The following SP140 variants were observed in gnomAD, a reference collection of about 807,000 sequenced individuals.
SP140 encodes SP140 nuclear body protein.
In SP140, 81 loss-of-function variants were observed where a neutral mutation model predicts 125.0. The observed-to-expected ratio is 0.65, with a 90% CI of 0.54 to 0.78. The LOEUF is 0.78. SP140 is among the 30% of genes least tolerant of loss of function. The pLI is 0.00. For synonymous variants in SP140, 312 were observed against 354.0 expected (o/e 0.88, Z 1.33); for missense variants, 858 against 1,037.0 (o/e 0.83, Z 2.37).
At chr2:230,297,294 T>A in intron 21 of SP140, 127 bp from the exon 22 acceptor site, 1 of 1,162,876 alleles carries the variant, frequency 8.6e-7, no homozygotes, top group Non-Finnish European at 1.2e-6. Context: ...TGGCCTTCTC[T>A]CTTCCCAATT....
chr2:230,243,781 G>A lies in SP140; in HGVS notation c.541G>A (p.Ala181Thr), dbSNP rs200234551. The A allele has an allele frequency of 2.1e-5, 34 of 1,613,118 alleles. No individual in the cohort carries two copies. The East Asian group carries it at 6.9e-4, about 33-fold the overall frequency. The change falls in exon 5 of 27, where the codon GCC becomes ACC. Residue 181 changes from alanine to threonine, a missense_variant. Around this residue, in one of 4 missense-constraint regions of SP140, gnomAD observed 791 missense variants for 869.5 expected, o/e 0.91. Coordinates refer to ENST00000392045, the MANE Select transcript of SP140 (RefSeq NM_007237.5). Reference sequence around the variant, plus strand: ...GGATGATATAGCAGTGCCTCAGGAAGCCTTGAGCTCCTCGCCAAGGTGTGA... The same window carrying A: ...GGATGATATAGCAGTGCCTCAGGAAACCTTGAGCTCCTCGCCAAGGTGTGA... ...EMDDIAVPQE[A>T]LSSSPRCEPG... is the part of the protein sequence containing the mutation.
At chr2:230,233,899 A>G (rs1038860814) in intron 1 of SP140, among the ~76,000 whole-genome samples, 2 of 152,258 alleles carry the variant, frequency 1.3e-5, no homozygotes, top group African/African-American at 4.8e-5. Flanking sequence ...GATAAAGGGA[A>G]AATAATATGT....
Position 230,245,098 on chromosome 2 carries a change from G to T in SP140, c.664+18G>T. On this transcript the variant is annotated intron_variant, in intron 6 of 26. Transcript: ENST00000392045. ...TGGGGGAGGTAATTATGATTTAAAT[G>T]ACCAATTATCTCATTAAATTAGTTG... 1.3e-6 allele frequency: 2 copies of T among 1,533,314 alleles called. No homozygotes were observed. Among genetic ancestry groups the T allele is most frequent in the South Asian group, 2.2e-5 (2 of 89,058 alleles). The allele number at this position is 1,533,314 out of a possible 1,614,324, so 95.0% of individuals were successfully genotyped here.
Position 230,248,920 on chromosome 2 carries a change from G to C in SP140, c.928G>C (p.Glu310Gln). ...FDLKTPQVTN[E>Q]GEPEKGLCLL... ...TCTAAAAACTCCCCAAGTCACTAAT[G>C]AAGGAGAACCAGAGAAGGGGCTCTG... is the stretch of plus-strand genomic sequence containing the variant. The change falls in exon 9 of 27, where the codon GAA (glutamate) becomes CAA (glutamine). Residue 310 changes from glutamate to glutamine, a missense_variant. Glu to Gln is a conservative substitution (Grantham distance 29). Coordinates refer to ENST00000392045, the MANE Select transcript of SP140 (RefSeq NM_007237.5). The C allele has an allele frequency of 6.2e-7, 1 of 1,612,828 alleles. No homozygotes were observed. Among genetic ancestry groups the C allele is most frequent in the Non-Finnish European group, 8.5e-7 (1 of 1,178,890 alleles).
chr2:230,285,726 A>G, intron 16 of SP140, 26 bp from the exon 17 acceptor site: 1 of 1,587,940 alleles, frequency 6.3e-7, no homozygotes, highest in Non-Finnish European at 8.6e-7. Flanking sequence ...AGTTCTATTA[A>G]TACATTTTCC....
At chr2:230,301,473 T>G (rs1031214755) in intron 22 of SP140, among the ~76,000 whole-genome samples, 2 of 152,196 alleles carry the variant, frequency 1.3e-5, no homozygotes, top group South Asian at 4.1e-4. Context: ...GGCTTTGGGA[T>G]CCTATCTTTA....
chr2:230,225,755 C>T lies in SP140; in HGVS notation c.-90C>T. On this transcript the variant is annotated 5_prime_UTR_variant, in exon 1 of 27. Coordinates refer to ENST00000392045, the MANE Select transcript of SP140 (RefSeq NM_007237.5). ...ACTTTTCTTTTCCTCTTTGACTGAG[C>T]ACCGAGGGGCAGTTGGCAGCTTCAC... The T allele has an allele frequency of 9.4e-7, 1 of 1,069,490 alleles. No individual in the cohort carries two copies. The highest frequency in any genetic ancestry group is 1.5e-6 in the Non-Finnish European group (1 of 683,652). 66.3% of individuals were successfully genotyped at this position (1,069,490 alleles called of 1,614,324 possible).
Position 230,237,206 on chromosome 2 carries a change from T to G in SP140, c.183T>G (p.Phe61Leu). The change falls in exon 2 of 27, where the codon TTT becomes TTG. Residue 61 changes from phenylalanine (F) to leucine (L), a missense_variant. Physicochemically the swap from Phe to Leu is conservative, Grantham distance 22. Coordinates refer to ENST00000392045, the MANE Select transcript of SP140 (RefSeq NM_007237.5). This position sits in a 1 kb window ranked among gnomAD's most constrained non-coding sequence, Gnocchi z 5.4. ...VEIASAITRP[F>L]PFLMGLRDRS... ...TTGCAAGTGCAATAACAAGGCCATT[T>G]CCTTTCCTTATGGGCCTCCGAGACC... 1 of 1,613,002 alleles carries G rather than the reference T, an allele frequency of 6.2e-7. No homozygotes were observed. Among genetic ancestry groups the G allele is most frequent in the Non-Finnish European group, 8.5e-7 (1 of 1,179,694 alleles).
upstream of SP140, chr2:230,203,037 G>A (rs867292745): frequency 2.0e-5 from 8 of 406,728 alleles, no homozygotes; most frequent in Non-Finnish European, 2.8e-5. Context: ...TGCACCACGA[G>A]GTGGCCACAC....
intron 22 of SP140, among the ~76,000 whole-genome samples, chr2:230,309,559 T>C (rs2059140645): frequency 6.6e-6 from 1 of 152,228 alleles, no homozygotes; most frequent in South Asian, 2.1e-4. Context: ...CACTAGTTGA[T>C]TTGTGGTATA....
At chr2:230,249,416 G>A (rs9989899) in intron 9 of SP140, among the ~76,000 whole-genome samples, 24,174 of 152,110 alleles carry the variant, frequency 0.16, 2,040 homozygotes, top group Middle Eastern at 0.23. Flanking sequence ...CCTTGGGATG[G>A]TGCTGACAAG....
At position 230,290,479 on chromosome 2, in the gene SP140, T is replaced by C. The variant is rs200541938; in HGVS notation, c.1740T>C (p.Asp580=). 4.3e-5 allele frequency: 70 copies of C among 1,613,846 alleles called. No homozygotes were observed. Among genetic ancestry groups the C allele is most frequent in the Non-Finnish European group, 5.7e-5 (67 of 1,179,922 alleles). ...VRSRASRKHK[D]ETVDFKAPLL... is the part of the protein sequence containing the mutation. ...TTTCAGCTTCAAGAAAGCACAAAGA[T>C]GAAACTGTGGATTTTAAGGCTCCTT... The change falls in exon 19 of 27, where the codon GAT becomes GAC. Residue 580 remains aspartate, a synonymous_variant. Coordinates refer to ENST00000392045, the MANE Select transcript of SP140 (RefSeq NM_007237.5).
intron 12 of SP140, among the ~76,000 whole-genome samples, chr2:230,263,698 G>GA: frequency 6.6e-6 from 1 of 152,240 alleles, no homozygotes; most frequent in East Asian, 1.9e-4. Flanking sequence ...TTGTTTGTCT[G>GA]AAAAAGACTG....
At position 230,269,883 on chromosome 2, in the gene SP140, G is replaced by A. The variant is rs1165707394; in HGVS notation, c.1374G>A (p.Met458Ile). ...AAAATGAGAAGTGTTCCTGTGTCAT[G>A]TGTTTCTCAGAAGAGGTGCCAGGAA... Reference protein sequence around the residue: ...AYENEKCSCVMCFSEEVPGSP... With the variant: ...AYENEKCSCVICFSEEVPGSP... Residue 458 changes from methionine to isoleucine, a missense_variant, in exon 14 of 27, where the codon ATG becomes ATA. Physicochemically the swap from Met to Ile is conservative, Grantham distance 10. This residue lies in a region of SP140 where 791 missense variants were observed against 869.5 expected (regional missense o/e 0.91). Transcript: ENST00000392045. The A allele has an allele frequency of 1.9e-6, 3 of 1,614,112 alleles. No homozygotes were observed. The highest frequency in any genetic ancestry group is 2.5e-6 in the Non-Finnish European group (3 of 1,179,976).
chr2:230,277,835 A>G (rs960549731), intron 15 of SP140, among the ~76,000 whole-genome samples: 3 of 152,116 alleles, frequency 2.0e-5, no homozygotes, highest in Admixed American at 2.0e-4. Context: ...TATGTTTTCC[A>G]GTATATACAG....
the SP140 span, among the ~76,000 whole-genome samples, chr2:230,194,280 C>T: frequency 6.6e-6 from 1 of 151,830 alleles, no homozygotes; most frequent in Admixed American, 6.6e-5. Context: ...ATCTTAGGCC[C>T]TTTGTGAATA....
chr2:230,187,379 C>T, the SP140 span, among the ~76,000 whole-genome samples: 6 of 151,968 alleles, frequency 3.9e-5, no homozygotes, highest in South Asian at 2.1e-4. Context: ...TTCTTGTAGA[C>T]GCTGGATATT....
intron 1 of SP140, among the ~76,000 whole-genome samples, chr2:230,227,180 G>T (rs2046560436): frequency 6.6e-6 from 1 of 152,182 alleles, no homozygotes; most frequent in South Asian, 2.1e-4. Context: ...GTCTAATTGG[G>T]ACTCTGTGCT....
At chr2:230,197,680 T>TA in the SP140 span, among the ~76,000 whole-genome samples, 1 of 152,162 alleles carries the variant, frequency 6.6e-6, no homozygotes, top group Non-Finnish European at 1.5e-5. Context: ...GTTTTAGGTC[T>TA]AACATGTAAG....
Sources: allele counts gnomAD v4.1 joint callset (sites outside exome capture counted in the v4.1 genomes callset), GRCh38; gene constraint gnomAD v4.1.1; regional missense constraint gnomAD v4.1.1; non-coding constraint Gnocchi (gnomAD v3.1); transcripts MANE v1.5; gene names NCBI Gene and HGNC (gene_info 2026-07-23, HGNC 2026-07-21).